The following AJAP1 variants were observed in gnomAD, a reference collection of about 807,000 sequenced individuals.
AJAP1 encodes the protein adherens junction-associated protein 1.
Under a neutral mutation model 35.0 loss-of-function variants are expected in AJAP1, and 5 were observed. That is an observed-to-expected ratio of 0.14 (90% CI 0.07 to 0.30). AJAP1 has a LOEUF of 0.30. Ranked by LOEUF, AJAP1 falls within the 10% of genes least tolerant of loss-of-function variation. AJAP1 has a pLI of 1.00. For synonymous variants in AJAP1, 284 were observed against 249.3 expected, an observed-to-expected ratio of 1.14 and a Z score of -1.31; for missense variants, 586 against 571.0, an observed-to-expected ratio of 1.03 and a Z score of -0.27.
intron 1 of AJAP1, among the ~76,000 whole-genome samples, chr1:4,666,771 A>G (rs1407698700): frequency 0.017 from 355 of 21,212 alleles, no homozygotes; most frequent in Middle Eastern, 0.083. Flanking sequence ...CACGGGAGGG[A>G]TGCGGAGAGG....
Position 4,774,457 on chromosome 1 carries a change from T to C in AJAP1, c.1194T>C (p.Pro398=), listed in dbSNP as rs1487128691. The change falls in exon 5 of 6, where the codon CCT becomes CCC. Residue 398 remains proline (P), a synonymous_variant. Transcript: ENST00000378191. ...CCTCTTCTGATCGGCATCTTATTCC[T>C]GTGGCCTTCGTGTCTGAGAAATGGT... is the stretch of plus-strand genomic sequence containing the variant. The part of the protein sequence containing the change: ...RPSSSDRHLI[P]VAFVSEKWFE... 8.1e-6 allele frequency: 13 copies of C among 1,614,252 alleles called. No homozygotes were observed. The highest frequency in any genetic ancestry group is 1.1e-5 in the Non-Finnish European group (13 of 1,180,040).
At chr1:4,667,009 G>A (rs1007954835) in intron 1 of AJAP1, among the ~76,000 whole-genome samples, 3 of 151,920 alleles carry the variant, frequency 2.0e-5, no homozygotes, top group Non-Finnish European at 4.4e-5. Flanking sequence ...AGAGGGGCCC[G>A]TGAATCATGG....
At position 4,791,482 on chromosome 1, in the gene AJAP1, C is replaced by A. The variant is rs916156093; in HGVS notation, c.*8997C>A. 4 of 152,336 alleles carry A rather than the reference C, an allele frequency of 2.6e-5. No homozygotes were observed. In the East Asian group the frequency reaches 7.7e-4, roughly 29 times the overall value. The allele number at this position is 152,336 out of a possible 1,614,324, so 9.4% of individuals were successfully genotyped here. ...GTGGGGACAAGTCACAGAGATCTCG[C>A]CATGGTTAGCACCAGGGACAAGTCT... On this transcript the variant is annotated 3_prime_UTR_variant, in exon 6 of 6. Transcript: ENST00000378191.
intron 1 of AJAP1, among the ~76,000 whole-genome samples, chr1:4,686,068 T>C (rs1441718340): frequency 6.6e-6 from 1 of 152,224 alleles, no homozygotes; most frequent in Non-Finnish European, 1.5e-5. Flanking sequence ...CTCGGAGGTT[T>C]TGCCTGTGTA....
intron 3 of AJAP1, among the ~76,000 whole-genome samples, chr1:4,770,197 A>G (rs534197768): frequency 1.3e-5 from 2 of 152,022 alleles, no homozygotes. Flanking sequence ...TGGGTTCCAG[A>G]TTCTTTCTCT....
At chr1:4,687,919 G>C (rs755311609) in intron 1 of AJAP1, among the ~76,000 whole-genome samples, 8 of 152,252 alleles carry the variant, frequency 5.3e-5, no homozygotes, top group Non-Finnish European at 1.2e-4. Context: ...GGAGGCCAAC[G>C]ATGAACAAAG....
chr1:4,755,090 G>T (rs1641399036), intron 2 of AJAP1, among the ~76,000 whole-genome samples: 1 of 152,220 alleles, frequency 6.6e-6, no homozygotes. Flanking sequence ...TGGTTGGGTG[G>T]CACTGCCCAC....
chr1:4,725,605 C>T (rs556879678), intron 2 of AJAP1, among the ~76,000 whole-genome samples: 7 of 152,266 alleles, frequency 4.6e-5, no homozygotes, highest in South Asian at 2.1e-4. Context: ...GGGAGTTGCT[C>T]GGCCAACGGA....
In AJAP1 at chr1:4,701,530, G is replaced by A. The variant is rs1639989577; in HGVS notation, c.30-10370G>A. Among the ~76,000 whole-genome samples the A allele has an allele frequency of 2.0e-5, 3 of 152,306 alleles. 1 individual carries two copies. Among genetic ancestry groups the A allele is most frequent in the South Asian group, 4.1e-4 (2 of 4,828 alleles). ...ACTGGGACTGGGAGGAGCAAGTGGT[G>A]CCCGTGCCATCAGGTTTCCCAGCCT... On this transcript the variant is annotated intron_variant, in intron 1 of 5. Coordinates refer to ENST00000378191, the MANE Select transcript of AJAP1 (RefSeq NM_018836.4).
At chr1:4,758,535 A>G (rs1265658311) in intron 2 of AJAP1, among the ~76,000 whole-genome samples, 1 of 151,960 alleles carries the variant, frequency 6.6e-6, no homozygotes, top group Admixed American at 6.6e-5. Flanking sequence ...CCCTTATAAA[A>G]CCATCAGGTC....
chr1:4,750,067 A>T (rs1396105792), intron 2 of AJAP1, among the ~76,000 whole-genome samples: 1 of 150,890 alleles, frequency 6.6e-6, no homozygotes, highest in East Asian at 2.0e-4. Context: ...TATATATGCC[A>T]GTGTGTCTGG....
intron 2 of AJAP1, among the ~76,000 whole-genome samples, chr1:4,736,611 G>T (rs1640931293): frequency 6.6e-6 from 1 of 152,202 alleles, no homozygotes; most frequent in Non-Finnish European, 1.5e-5. Flanking sequence ...GAACCTGCAA[G>T]CTCCTTCAGG....
rs1349047013 is a variant in AJAP1 at position 4,692,082 on chromosome 1, G to A, written c.30-19818G>A. Among the ~76,000 whole-genome samples the A allele has an allele frequency of 6.6e-6, 1 of 152,084 alleles. No homozygotes were observed. Among genetic ancestry groups the A allele is most frequent in the Non-Finnish European group, 1.5e-5 (1 of 67,994 alleles). ...TCAGCCCTGTGCTCCTTCCGGGAAT[G>A]GCAGGTGGCATGGCGCCCGGCCGGC... is the stretch of plus-strand genomic sequence containing the variant. On this transcript the variant is annotated intron_variant, in intron 1 of 5. Coordinates refer to ENST00000378191, the MANE Select transcript of AJAP1 (RefSeq NM_018836.4). The surrounding 1 kb of genome is among the most constrained non-coding windows in gnomAD (Gnocchi z 4.4).
intron 1 of AJAP1, among the ~76,000 whole-genome samples, chr1:4,686,600 G>T (rs561170143): frequency 2.6e-5 from 4 of 152,212 alleles, no homozygotes; most frequent in Middle Eastern, 3.2e-3. Flanking sequence ...CCAGCCTTCC[G>T]CAGAGCTTTG....
chr1:4,672,324 C>A (rs1639268077), intron 1 of AJAP1, among the ~76,000 whole-genome samples: 1 of 152,164 alleles, frequency 6.6e-6, no homozygotes, highest in Non-Finnish European at 1.5e-5. Flanking sequence ...CCCTGAAGGG[C>A]CACAGTCATG....
At chr1:4,761,996 G>A (rs1223000506) in intron 2 of AJAP1, among the ~76,000 whole-genome samples, 1 of 152,038 alleles carries the variant, frequency 6.6e-6, no homozygotes, top group African/African-American at 2.4e-5. Flanking sequence ...CAGTCCAATC[G>A]ACTTGACACT....
intron 1 of AJAP1, among the ~76,000 whole-genome samples, chr1:4,704,157 G>GT (rs34590919): frequency 0.37 from 53,982 of 145,128 alleles, 10,000 homozygotes; most frequent in East Asian, 0.49. Flanking sequence ...AAACGGGGAA[G>GT]TTTTTTTTTT....
chr1:4,719,728 G>A (rs577369104), intron 2 of AJAP1, among the ~76,000 whole-genome samples: 3 of 152,280 alleles, frequency 2.0e-5, no homozygotes, highest in East Asian at 3.9e-4. Context: ...AAGAATGGGC[G>A]AGTCCTGGTG....
intron 3 of AJAP1, among the ~76,000 whole-genome samples, chr1:4,770,330 G>A (rs540901340): frequency 7.9e-5 from 12 of 152,172 alleles, no homozygotes; most frequent in Non-Finnish European, 1.8e-4. Context: ...AGGGTCCCAC[G>A]TCCCTCACTC....
Sources: gnomAD v4.1 joint callset for allele counts (sites outside exome capture counted in the v4.1 genomes callset) on GRCh38, gnomAD v4.1.1 for gene constraint, Gnocchi (gnomAD v3.1) non-coding constraint, MANE v1.5 for transcripts, NCBI Gene and HGNC (gene_info 2026-07-23, HGNC 2026-07-21) for gene names.